Variants in OTOG observed in about 807,000 individuals in gnomAD.
OTOG encodes the protein otogelin.
Under a neutral mutation model 313.8 loss-of-function variants are expected in OTOG, and 296 were observed. The ratio of observed to expected loss-of-function variants is 0.94; its 90% CI spans 0.86 to 1.04. OTOG has a LOEUF of 1.04. Ranked by LOEUF, OTOG falls within the 50% of genes least tolerant of loss-of-function variation. The probability of loss-of-function intolerance (pLI) is 0.00; values close to 1 mark genes in which losing one functional copy is unlikely to be tolerated. For missense variants in OTOG, 3,948 were observed against 3,840.1 expected, an observed-to-expected ratio of 1.03 and a Z score of -0.74; for synonymous variants, 1,533 against 1,554.9, an observed-to-expected ratio of 0.99 and a Z score of 0.33.
chr11:17,641,768 C>A (rs1220957148), intron 51 of OTOG, 79 bp from the exon 52 acceptor site: 4 of 1,036,138 alleles, frequency 3.9e-6, no homozygotes, highest in Non-Finnish European at 5.6e-6. Flanking sequence ...CTCTGGGATC[C>A]CTCACAGATA....
In OTOG at chr11:17,570,238, C is replaced by T. The variant is rs1317262503; in HGVS notation, c.1803C>T (p.Ser601=). 6.4e-7 allele frequency: 1 copy of T among 1,550,716 alleles called. No individual in the cohort carries two copies. Among genetic ancestry groups the T allele is most frequent in the Non-Finnish European group, 8.7e-7 (1 of 1,147,036 alleles). The stretch of plus-strand genomic sequence containing the variant: ...ATGCCTTTGAGATCCGTAGGCTGTC[C>T]TCCGTGTTCCTGCGGGTGAGGACGA... The part of the protein sequence containing the change: ...TDDAFEIRRL[S]SVFLRVRTNV... The change falls in exon 17 of 56, where the codon TCC becomes TCT. Residue 601 remains serine, a synonymous_variant. Transcript: ENST00000399397.
chr11:17,612,022 AG>A, intron 36 of OTOG, 139 bp from the exon 37 acceptor site: 9 of 998,080 alleles, frequency 9.0e-6, no homozygotes, highest in Non-Finnish European at 1.3e-5. Context: ...TGTGGTGGGT[AG>A]GGGGTGAGGG....
At position 17,600,705 on chromosome 11, in the gene OTOG, G is replaced by A. The variant is rs144326834; in HGVS notation, c.3709+1008G>A. Among the ~76,000 whole-genome samples, 94 of 152,346 alleles carry A rather than the reference G, an allele frequency of 6.2e-4. No homozygotes were observed. The East Asian group carries it at 0.015, about 25-fold the overall frequency. ...ATTGGTAAAGGAATGAGCCTGCAAT[G>A]GGGGAACTGTGGTCCCTGGGGCAGA... On this transcript the variant is annotated intron_variant, in intron 31 of 55. Transcript: ENST00000399397.
At position 17,553,485 on chromosome 11, in the gene OTOG, G is replaced by T. The variant is rs779427684; in HGVS notation, c.506G>T (p.Arg169Leu). ...AAGGGCAGCTACACCCTGGTGGGTC[G>T]CCATGAGCCCGAGGGACAGAGCTTC... ...SGKGSYTLVG[R>L]HEPEGQSFSI... The change falls in exon 6 of 56, where the codon CGC becomes CTC. Residue 169 changes from arginine to leucine, a missense_variant. Transcript: ENST00000399397. 2.5e-5 allele frequency: 36 copies of T among 1,452,692 alleles called. No individual in the cohort carries two copies. The South Asian group carries it at 3.1e-4, about 13-fold the overall frequency. 90.0% of individuals were successfully genotyped at this position (1,452,692 alleles called of 1,614,324 possible). A position where few individuals can be genotyped will look rare whatever the true frequency, so the allele number is the denominator to read the frequency against.
At chr11:17,616,364 T>C (rs1444192344) in intron 39 of OTOG, among the ~76,000 whole-genome samples, 1 of 152,248 alleles carries the variant, frequency 6.6e-6, no homozygotes, top group Non-Finnish European at 1.5e-5. Flanking sequence ...GCCTAGCTAT[T>C]CTAATTCCTT....
At chr11:17,582,990 C>A (rs534881040) in intron 23 of OTOG, among the ~76,000 whole-genome samples, 2 of 151,710 alleles carry the variant, frequency 1.3e-5, no homozygotes, top group South Asian at 2.1e-4. Flanking sequence ...TAATTTTTTT[C>A]TTTTAAAAAT....
At chr11:17,639,971 G>GGGTGAT (rs199694886) in intron 49 of OTOG, among the ~76,000 whole-genome samples, 3,392 of 150,892 alleles carry the variant, frequency 0.022, 124 homozygotes, top group African/African-American at 0.078. Context: ...GGGACAGTGA[G>GGGTGAT]GGTGATGGTG....
intron 25 of OTOG, 85 bp from the exon 26 acceptor site, chr11:17,593,108 A>G (rs1217679184): frequency 3.0e-6 from 4 of 1,352,390 alleles, no homozygotes; most frequent in Non-Finnish European, 4.0e-6. Context: ...AAGCCACTCC[A>G]GAGAGCGTGT....
At chr11:17,578,251 C>A (rs1426201174) in intron 22 of OTOG, 122 bp from the exon 23 acceptor site, 1 of 1,405,446 alleles carries the variant, frequency 7.1e-7, no homozygotes, top group Non-Finnish European at 9.2e-7. Flanking sequence ...TGCCCAGGAG[C>A]GACCAGGGAG....
Position 17,613,195 on chromosome 11 carries a change from T to TTTCTTTCTTTCTTTCTTTCTTTC in OTOG, c.6439-415_6439-414insCTTTCTTTCTTTCTTTCTTTCTT, listed in dbSNP as rs1401646180. ...TTTTCTTTCTTTCTTTCTTTCTTTC[T>TTTCTTTCTTTCTTTCTTTCTTTC]TTTCTTTCTTTCTTTCTTTCTTTCT... On this transcript the variant is annotated intron_variant, in intron 38 of 55. Coordinates refer to ENST00000399397, the MANE Select transcript of OTOG (RefSeq NM_001292063.2). Among the ~76,000 whole-genome samples, 27 of 65,328 alleles carry TTTCTTTCTTTCTTTCTTTCTTTC rather than the reference T, an allele frequency of 4.1e-4. 1 individual carries two copies. The highest frequency in any genetic ancestry group is 1.1e-3 in the South Asian group (2 of 1,758). 42.9% of individuals were successfully genotyped at this position (65,328 alleles called of 152,430 possible).
intron 24 of OTOG, 87 bp downstream of exon 24, chr11:17,586,668 C>G: frequency 4.9e-6 from 3 of 614,674 alleles, no homozygotes; most frequent in Non-Finnish European, 7.5e-6. Flanking sequence ...GTCTAGCATT[C>G]CCATTTCATT....
At position 17,634,139 on chromosome 11, in the gene OTOG, C is replaced by G; in HGVS notation, c.7338C>G (p.Cys2446Trp). 6.5e-7 allele frequency: 1 copy of G among 1,549,674 alleles called. No individual in the cohort carries two copies. The highest frequency in any genetic ancestry group is 8.7e-7 in the Non-Finnish European group (1 of 1,146,952). Reference protein sequence around the residue: ...ETWNSSLSGCCQHQCQAPDTI... With the variant: ...ETWNSSLSGCWQHQCQAPDTI... Reference sequence around the variant, plus strand: ...GGAACAGCTCCCTCAGCGGCTGCTGCCAGCACCAGTGCCAAGCCCCAGACA... The same window carrying G: ...GGAACAGCTCCCTCAGCGGCTGCTGGCAGCACCAGTGCCAAGCCCCAGACA... The change falls in exon 44 of 56, where the codon TGC becomes TGG. Residue 2446 changes from cysteine to tryptophan, a missense_variant. Cys to Trp is a radical substitution (Grantham distance 215). Transcript: ENST00000399397.
chr11:17,638,947 A>C, intron 48 of OTOG: 1 of 457,032 alleles, frequency 2.2e-6, no homozygotes, highest in Non-Finnish European at 3.8e-6. Context: ...AATACAAGAA[A>C]ATCAGCCGGG....
intron 32 of OTOG, 22 bp from the exon 33 acceptor site, chr11:17,605,835 C>T (rs1236061366): frequency 6.6e-7 from 1 of 1,518,596 alleles, no homozygotes; most frequent in Non-Finnish European, 8.9e-7. Flanking sequence ...TGTACTGACT[C>T]TCCCCATGTG....
At chr11:17,570,822 A>C (rs1266513972) in intron 17 of OTOG, among the ~76,000 whole-genome samples, 1 of 152,160 alleles carries the variant, frequency 6.6e-6, no homozygotes, top group Non-Finnish European at 1.5e-5. Context: ...CCTTTAGGTG[A>C]GTGTAAGCCC....
chr11:17,611,387 A>C lies in OTOG; in HGVS notation c.6087A>C (p.Ala2029=), dbSNP rs746650704. 3.7e-5 allele frequency: 57 copies of C among 1,540,578 alleles called. No homozygotes were observed. Among genetic ancestry groups the C allele is most frequent in the Admixed American group, 4.0e-5 (2 of 50,464 alleles). ...SIVEGLAEAL[A]TTTEANTSTT... ...TAGAGGGTTTGGCGGAGGCTTTGGC[A>C]ACTACCACTGAGGCCAATACATCCA... Residue 2029 remains alanine, a synonymous_variant, in exon 36 of 56, where the codon GCA becomes GCC. Transcript: ENST00000399397.
chr11:17,554,591 C>A lies in OTOG; in HGVS notation c.540+1072C>A, dbSNP rs112387713. ...CAAGGGGTTGGGGGTGTGGGGAGACCCCAGTGTTCAGTGTCTCCCCTCTGC... is the reference window on the plus strand; with the variant it reads ...CAAGGGGTTGGGGGTGTGGGGAGACACCAGTGTTCAGTGTCTCCCCTCTGC... On this transcript the variant is annotated intron_variant, in intron 6 of 55. Transcript: ENST00000399397. 1.0e-2 allele frequency among the ~76,000 whole-genome samples: 1,520 copies of A among 152,276 alleles called. 25 individuals carry two copies. The highest frequency in any genetic ancestry group is 0.035 in the African/African-American group (1,439 of 41,538).
rs756536271 is a variant in OTOG at position 17,641,008 on chromosome 11, C to T, written c.8107C>T (p.Arg2703Cys). 66 of 1,548,282 alleles carry T rather than the reference C, an allele frequency of 4.3e-5. No homozygotes were observed. In the South Asian group the frequency reaches 4.8e-4, roughly 11 times the overall value. Reference protein sequence around the residue: ...LSADGVCHTSRCTTVLDPLTN... With the variant: ...LSADGVCHTSCCTTVLDPLTN... ...AGCAGATGGCGTGTGCCACACCTCC[C>T]GCTGCACCACCGTGCTCGACCCTCT... Residue 2703 changes from arginine to cysteine, a missense_variant, in exon 51 of 56, where the codon CGC (arginine) becomes TGC (cysteine). Physicochemically the swap from Arg to Cys is radical, Grantham distance 180. Coordinates refer to ENST00000399397, the MANE Select transcript of OTOG (RefSeq NM_001292063.2).
rs1847994729 is a variant in OTOG, at chr11:17,642,351, C to T, written c.8415+105C>T. The T allele has an allele frequency of 9.3e-6, 13 of 1,391,142 alleles. No homozygotes were observed. The South Asian group carries it at 1.9e-4, about 21-fold the overall frequency. The allele number at this position is 1,391,142 out of a possible 1,614,324, so 86.2% of individuals were successfully genotyped here. A position where few individuals can be genotyped will look rare whatever the true frequency, so the allele number is the denominator to read the frequency against. On this transcript the variant is annotated intron_variant, in intron 53 of 55. Coordinates refer to ENST00000399397, the MANE Select transcript of OTOG (RefSeq NM_001292063.2). The stretch of plus-strand genomic sequence containing the variant: ...GCAGGAGTGCAGGAAGAAGGGCTCC[C>T]TGGAGCCTGTGCCTGCACTGCCACC...
Sources: allele counts gnomAD v4.1 joint callset (sites outside exome capture counted in the v4.1 genomes callset), GRCh38; gene constraint gnomAD v4.1.1; transcripts MANE v1.5; gene names NCBI Gene and HGNC (gene_info 2026-07-23, HGNC 2026-07-21).